Variants in SGMS1 observed in about 807,000 individuals in gnomAD.
The protein encoded by SGMS1 is phosphatidylcholine:ceramide cholinephosphotransferase 1.
A neutral mutation model predicts 46.2 loss-of-function variants in SGMS1; 13 were observed. The observed-to-expected ratio is 0.28, with a 90% CI of 0.18 to 0.45. The LOEUF (loss-of-function observed/expected upper bound fraction) is 0.45, where lower values mean the gene tolerates loss of function less well. Among genes scored for constraint, SGMS1 ranks in the 20% least tolerant of loss-of-function variants. The probability of loss-of-function intolerance (pLI) is 1.00; values close to 1 mark genes in which losing one functional copy is unlikely to be tolerated. For missense variants in SGMS1, 324 were observed against 519.9 expected, an observed-to-expected ratio of 0.62 and a Z score of 3.66; for synonymous variants, 203 against 187.8, an observed-to-expected ratio of 1.08 and a Z score of -0.66.
At chr10:50,549,007 C>A (rs1480915328) in intron 2 of SGMS1, among the ~76,000 whole-genome samples, 1 of 152,180 alleles carries the variant, frequency 6.6e-6, no homozygotes, top group Non-Finnish European at 1.5e-5. Flanking sequence ...CCAACTCATG[C>A]CAGTCAGAAT....
At position 50,546,639 on chromosome 10, in the gene SGMS1, G is replaced by A. The variant is rs368187054; in HGVS notation, c.-588-26718C>T. On this transcript the variant is annotated intron_variant, in intron 2 of 10. Transcript: ENST00000361781. ...TCACAAGGACAAAAAACCAAACACC[G>A]CATGTTCTCACTCATAGGTGGAATT... is the stretch of plus-strand genomic sequence containing the variant. Among the ~76,000 whole-genome samples the A allele has an allele frequency of 5.9e-5, 9 of 152,096 alleles. No homozygotes were observed. The East Asian group carries it at 7.7e-4, about 13-fold the overall frequency.
chr10:50,461,414 C>A (rs928916071), intron 4 of SGMS1, among the ~76,000 whole-genome samples: 2 of 151,978 alleles, frequency 1.3e-5, no homozygotes, highest in Admixed American at 1.3e-4. Flanking sequence ...TCATTTAGTG[C>A]CTCATTTGTA....
chr10:50,373,886 T>C (rs1002239769), intron 6 of SGMS1, among the ~76,000 whole-genome samples: 1 of 152,178 alleles, frequency 6.6e-6, no homozygotes, highest in Non-Finnish European at 1.5e-5. Context: ...GCTACTCCTA[T>C]GGTAGAGGAG....
At chr10:50,541,867 C>T (rs530442991) in intron 2 of SGMS1, among the ~76,000 whole-genome samples, 1 of 152,240 alleles carries the variant, frequency 6.6e-6, no homozygotes, top group South Asian at 2.1e-4. Context: ...TGTTAAAATA[C>T]AACCTCCTAG....
chr10:50,571,011 T>C (rs1838332385), intron 2 of SGMS1, among the ~76,000 whole-genome samples: 1 of 152,128 alleles, frequency 6.6e-6, no homozygotes, highest in Admixed American at 6.5e-5. Context: ...AGAAACTGAT[T>C]CTACCCATGA....
At chr10:50,371,311 T>A (rs549593732) in intron 6 of SGMS1, among the ~76,000 whole-genome samples, 9 of 152,332 alleles carry the variant, frequency 5.9e-5, no homozygotes, top group African/African-American at 2.2e-4. Context: ...ATGGTTCAGG[T>A]GGCATTACAT....
At chr10:50,580,838 T>C (rs1026056721) in intron 2 of SGMS1, among the ~76,000 whole-genome samples, 1 of 152,236 alleles carries the variant, frequency 6.6e-6, no homozygotes, top group African/African-American at 2.4e-5. Flanking sequence ...TCTGGAGATC[T>C]GTTGCACAAC....
intron 6 of SGMS1, among the ~76,000 whole-genome samples, chr10:50,354,782 G>T (rs1270746396): frequency 6.6e-6 from 1 of 152,144 alleles, no homozygotes; most frequent in Non-Finnish European, 1.5e-5. Flanking sequence ...GTGAGCGAAG[G>T]ATATGAACAG....
chr10:50,378,647 G>A (rs1420691642), intron 6 of SGMS1, among the ~76,000 whole-genome samples: 1 of 152,076 alleles, frequency 6.6e-6, no homozygotes, highest in South Asian at 2.1e-4. Context: ...TAAAACCTTC[G>A]GTGGATTAGT....
intron 2 of SGMS1, among the ~76,000 whole-genome samples, chr10:50,567,583 C>T (rs1447076716): frequency 1.3e-5 from 2 of 152,224 alleles, no homozygotes; most frequent in Admixed American, 6.5e-5. Context: ...GCAGCTGCTC[C>T]TATTATACGG....
chr10:50,519,667 G>T (rs2133786859), intron 3 of SGMS1, among the ~76,000 whole-genome samples, 164 bp downstream of exon 3: 1 of 152,266 alleles, frequency 6.6e-6, no homozygotes, highest in African/African-American at 2.4e-5. Context: ...AACCACACAG[G>T]CCTTTTGTTG....
At chr10:50,597,014 C>T (rs1723974526) in intron 1 of SGMS1, among the ~76,000 whole-genome samples, 1 of 152,132 alleles carries the variant, frequency 6.6e-6, no homozygotes, top group South Asian at 2.1e-4. Flanking sequence ...ACTACTAATT[C>T]CACAAAGATT....
chr10:50,428,875 AT>A (rs2133610371), intron 6 of SGMS1, among the ~76,000 whole-genome samples: 1 of 152,336 alleles, frequency 6.6e-6, no homozygotes, highest in East Asian at 1.9e-4. Context: ...TCAAAAATGC[AT>A]TTACTACACC....
At chr10:50,453,554 A>G (rs1417574635) in intron 5 of SGMS1, among the ~76,000 whole-genome samples, 8 of 151,576 alleles carry the variant, frequency 5.3e-5, no homozygotes, top group Non-Finnish European at 1.2e-4. Flanking sequence ...GAATTTTAAC[A>G]TAAAGAAGAT....
In SGMS1 at chr10:50,577,045, C is replaced by G. The variant is rs1588882154; in HGVS notation, c.-589+13108G>C. Among the ~76,000 whole-genome samples the G allele has an allele frequency of 3.3e-5, 5 of 152,280 alleles. No homozygotes were observed. The South Asian group carries it at 6.2e-4, about 19-fold the overall frequency. ...AGAAACTGGTAGTATCTACAAAGAA[C>G]AGTGATAGTTTTCCTTTTCATAAAA... On this transcript the variant is annotated intron_variant, in intron 2 of 10. Transcript: ENST00000361781.
At chr10:50,624,848 C>T (rs1235961745), upstream of SGMS1, 2 of 992,712 alleles carry the variant, frequency 2.0e-6, no homozygotes, top group East Asian at 1.1e-4. Flanking sequence ...ACAGGCAGCC[C>T]GAGGCCGTGC....
intron 3 of SGMS1, among the ~76,000 whole-genome samples, chr10:50,476,335 A>C: frequency 1.2e-5 from 1 of 84,160 alleles, no homozygotes; most frequent in African/African-American, 4.6e-5. Flanking sequence ...AGGGGAGGGG[A>C]GGGAAGGGAA....
intron 1 of SGMS1, among the ~76,000 whole-genome samples, chr10:50,602,267 C>T (rs1372584510): frequency 6.6e-6 from 1 of 152,234 alleles, no homozygotes; most frequent in South Asian, 2.1e-4. Flanking sequence ...CCAATGCCTA[C>T]TTCCAATAAC....
intron 3 of SGMS1, among the ~76,000 whole-genome samples, chr10:50,478,318 A>G (rs1042206546): frequency 2.0e-5 from 3 of 152,226 alleles, no homozygotes; most frequent in African/African-American, 7.2e-5. Context: ...TGTCCCCAAT[A>G]TAATGGCCTT....
Sources: gnomAD v4.1 joint callset for allele counts (sites outside exome capture counted in the v4.1 genomes callset) on GRCh38, gnomAD v4.1.1 for gene constraint, MANE v1.5 for transcripts, NCBI Gene and HGNC (gene_info 2026-07-23, HGNC 2026-07-21) for gene names.